SEMA3A: variants seen among roughly 807,000 people sequenced by gnomAD.
The protein encoded by SEMA3A is semaphorin-3A.
In SEMA3A, 29 loss-of-function variants were observed where a neutral mutation model predicts 97.9. That is an observed-to-expected ratio of 0.30 (90% confidence interval 0.22 to 0.40). The LOEUF is 0.40. Among genes scored for constraint, SEMA3A ranks in the 10% least tolerant of loss-of-function variants. SEMA3A has a pLI of 1.00. For synonymous variants in SEMA3A, 321 were observed against 323.7 expected (o/e 0.99, Z 0.09); for missense variants, 763 against 951.3 (o/e 0.80, Z 2.60).
chr7:84,465,134 A>C (rs1165137390), intron 1 of SEMA3A, among the ~76,000 whole-genome samples: 1 of 152,200 alleles, frequency 6.6e-6, no homozygotes, highest in African/African-American at 2.4e-5. Flanking sequence ...ATGCAACATT[A>C]AGCAAATAAC....
intron 3 of SEMA3A, among the ~76,000 whole-genome samples, chr7:84,200,986 C>CT (rs1324426628): frequency 7.2e-5 from 11 of 151,946 alleles, no homozygotes; most frequent in African/African-American, 2.2e-4. Flanking sequence ...AGGATATTAA[C>CT]TTATTAGCTG....
chr7:84,202,835 T>G (rs1487280627), intron 3 of SEMA3A, among the ~76,000 whole-genome samples: 2 of 152,196 alleles, frequency 1.3e-5, no homozygotes, highest in African/African-American at 4.8e-5. Context: ...AATGCCAATT[T>G]ATCTCTTTTT....
At chr7:84,131,974 T>C (rs1488377639) in intron 2 of SEMA3A, among the ~76,000 whole-genome samples, 1 of 151,970 alleles carries the variant, frequency 6.6e-6, no homozygotes, top group Admixed American at 6.6e-5. Flanking sequence ...ATTTTATTTA[T>C]TTATTTATGT....
At chr7:84,314,531 AT>A (rs1274761092) in intron 2 of SEMA3A, among the ~76,000 whole-genome samples, 1 of 152,070 alleles carries the variant, frequency 6.6e-6, no homozygotes, top group East Asian at 1.9e-4. Flanking sequence ...TTGGTTCTTC[AT>A]TTTAGAATGA....
At chr7:84,152,199 C>A (rs890680910) in intron 1 of SEMA3A, among the ~76,000 whole-genome samples, 12 of 151,524 alleles carry the variant, frequency 7.9e-5, no homozygotes, top group African/African-American at 2.4e-4. Flanking sequence ...TGGGTATATA[C>A]CCAAAGGACA....
chr7:84,357,940 A>T (rs1473361206), intron 2 of SEMA3A, among the ~76,000 whole-genome samples: 1 of 152,092 alleles, frequency 6.6e-6, no homozygotes, highest in Non-Finnish European at 1.5e-5. Flanking sequence ...TCTTCTTTTG[A>T]GAAGTGTCTG....
intron 2 of SEMA3A, chr7:84,371,758 C>G (rs751079395): frequency 2.0e-5 from 3 of 151,874 alleles, no homozygotes; most frequent in African/African-American, 7.2e-5. Context: ...TTCGGTTCCA[C>G]TTAAAGTCAA....
intron 3 of SEMA3A, among the ~76,000 whole-genome samples, chr7:84,258,681 A>T (rs1158595401): frequency 1.3e-5 from 2 of 152,180 alleles, no homozygotes; most frequent in African/African-American, 4.8e-5. Flanking sequence ...CTTTTCACAG[A>T]ATCCTAGAAA....
At chr7:84,284,925 C>T (rs987308034) in intron 3 of SEMA3A, among the ~76,000 whole-genome samples, 2 of 152,082 alleles carry the variant, frequency 1.3e-5, no homozygotes, top group Admixed American at 6.6e-5. Flanking sequence ...TCTAGTAAGG[C>T]CTTTGCCAAT....
rs1796847351 is a variant in SEMA3A, at chr7:84,156,409, GTTA to G, written c.113-21461_113-21459del. Among the ~76,000 whole-genome samples the G allele has an allele frequency of 1.3e-5, 2 of 152,042 alleles. 1 individual carries two copies. The highest frequency in any genetic ancestry group is 4.1e-4 in the South Asian group (2 of 4,836). Reference sequence around the variant, plus strand: ...TCTGAAAGTGTGACATTTTGTAAATGTTATTGTTAGAGCTATGATAGCATTCTC... The same window carrying G: ...TCTGAAAGTGTGACATTTTGTAAATGTTGTTAGAGCTATGATAGCATTCTC... On this transcript the variant is annotated intron_variant, in intron 1 of 16. Coordinates refer to ENST00000265362, the MANE Select transcript of SEMA3A (RefSeq NM_006080.3).
intron 3 of SEMA3A, among the ~76,000 whole-genome samples, chr7:84,217,495 A>C (rs1798777244): frequency 6.6e-6 from 1 of 152,200 alleles, no homozygotes; most frequent in African/African-American, 2.4e-5. Flanking sequence ...ATTATGTTAT[A>C]ATATGGCTTA....
chr7:84,055,056 C>G (rs1333231528), intron 5 of SEMA3A, among the ~76,000 whole-genome samples: 1 of 151,986 alleles, frequency 6.6e-6, no homozygotes, highest in African/African-American at 2.4e-5. Context: ...AGGCAGTCTG[C>G]CCGTTCTCAG....
At chr7:84,362,625 G>A (rs1037485600) in intron 2 of SEMA3A, among the ~76,000 whole-genome samples, 4 of 151,854 alleles carry the variant, frequency 2.6e-5, no homozygotes, top group Non-Finnish European at 5.9e-5. Flanking sequence ...ATATGGTTCA[G>A]AACATATGAA....
At chr7:84,303,510 C>G (rs1288520850) in intron 3 of SEMA3A, among the ~76,000 whole-genome samples, 2 of 150,274 alleles carry the variant, frequency 1.3e-5, no homozygotes, top group Non-Finnish European at 3.0e-5. Flanking sequence ...CAATTAGTAA[C>G]AGCTAAAATA....
chr7:84,411,650 A>G (rs189805540), intron 1 of SEMA3A, among the ~76,000 whole-genome samples: 40 of 151,982 alleles, frequency 2.6e-4, no homozygotes, highest in Admixed American at 2.2e-3. Flanking sequence ...AACTATCTAC[A>G]TTTCAAAATC....
At chr7:84,101,309 G>T (rs1009052092) in intron 4 of SEMA3A, among the ~76,000 whole-genome samples, 2 of 152,192 alleles carry the variant, frequency 1.3e-5, no homozygotes, top group East Asian at 3.9e-4. Context: ...TGCAAACAAA[G>T]CTATGACATC....
upstream of SEMA3A, chr7:84,195,451 C>T (rs199811142): frequency 1.4e-5 from 2 of 142,826 alleles, no homozygotes; most frequent in Non-Finnish European, 3.0e-5. Context: ...GTGTGTGTGT[C>T]TATATATCCT....
chr7:84,260,227 T>C (rs1011516064), intron 3 of SEMA3A, among the ~76,000 whole-genome samples: 1 of 152,214 alleles, frequency 6.6e-6, no homozygotes, highest in Non-Finnish European at 1.5e-5. Context: ...TCCATAATAC[T>C]AGGTCACTTT....
intron 1 of SEMA3A, among the ~76,000 whole-genome samples, chr7:84,461,091 G>A (rs1283245510): frequency 1.3e-5 from 2 of 151,998 alleles, no homozygotes; most frequent in African/African-American, 4.8e-5. Flanking sequence ...AGGGTATAAG[G>A]AATGTTACTT....
Sources: allele counts gnomAD v4.1 joint callset (sites outside exome capture counted in the v4.1 genomes callset), GRCh38; gene constraint gnomAD v4.1.1; transcripts MANE v1.5; gene names NCBI Gene and HGNC (gene_info 2026-07-23, HGNC 2026-07-21).